ELAVL4: variants seen among roughly 807,000 people sequenced by gnomAD.
The protein encoded by ELAVL4 is ELAV like RNA binding protein 4.
A neutral mutation model predicts 35.6 loss-of-function variants in ELAVL4; 1 was observed. That is an observed-to-expected ratio of 0.03 (90% confidence interval 0.01 to 0.13). The LOEUF is 0.13. ELAVL4 is among the 10% of genes least tolerant of loss of function. The pLI is 1.00. For missense variants in ELAVL4, 267 were observed against 464.9 expected (o/e 0.57, Z 3.91); for synonymous variants, 156 against 171.0 (o/e 0.91, Z 0.69).
intron 3 of ELAVL4, 149 bp from the exon 4 acceptor site, chr1:50,193,616 G>T: frequency 1.1e-6 from 1 of 883,000 alleles, no homozygotes; most frequent in East Asian, 2.7e-5. Flanking sequence ...CTATTACAAG[G>T]GTAGCTAAAA....
intron 1 of ELAVL4, among the ~76,000 whole-genome samples, chr1:50,062,198 G>C (rs1664020169): frequency 6.6e-6 from 1 of 152,124 alleles, no homozygotes; most frequent in Admixed American, 6.5e-5. Flanking sequence ...TGATCTCAAG[G>C]AGTCCACAAT....
chr1:50,169,993 G>A (rs1678693523), intron 2 of ELAVL4, among the ~76,000 whole-genome samples: 1 of 152,222 alleles, frequency 6.6e-6, no homozygotes, highest in Admixed American at 6.5e-5. Context: ...TCTACCCATA[G>A]TGTCTAGCAT....
intron 2 of ELAVL4, among the ~76,000 whole-genome samples, chr1:50,153,918 A>T (rs2480684): frequency 6.6e-6 from 1 of 152,102 alleles, no homozygotes; most frequent in African/African-American, 2.4e-5. Context: ...GCAAGCCAGA[A>T]AAAGAGCCTT....
intron 3 of ELAVL4, among the ~76,000 whole-genome samples, chr1:50,182,353 AC>A (rs1681170920): frequency 6.6e-6 from 1 of 152,186 alleles, no homozygotes. Flanking sequence ...CACCCACTAA[AC>A]CTTTCAGAGT....
At chr1:50,168,613 A>T (rs1026000617) in intron 2 of ELAVL4, among the ~76,000 whole-genome samples, 24 of 152,220 alleles carry the variant, frequency 1.6e-4, no homozygotes, top group Non-Finnish European at 2.5e-4. Context: ...CAGCTTCATT[A>T]TGTTCCTTGG....
At chr1:50,064,149 A>G (rs1373556366) in intron 1 of ELAVL4, among the ~76,000 whole-genome samples, 3 of 152,184 alleles carry the variant, frequency 2.0e-5, no homozygotes, top group African/African-American at 4.8e-5. Flanking sequence ...GGTGTGTCAT[A>G]GAGTGCAAGG....
chr1:50,149,580 G>A (rs1167345446), intron 2 of ELAVL4, among the ~76,000 whole-genome samples: 1 of 121,156 alleles, frequency 8.3e-6, no homozygotes, highest in Non-Finnish European at 1.6e-5. Context: ...GTCTCACTCT[G>A]TTGCCCAGAC....
chr1:50,079,905 T>C (rs1382664174), intron 1 of ELAVL4, among the ~76,000 whole-genome samples: 1 of 152,196 alleles, frequency 6.6e-6, no homozygotes, highest in African/African-American at 2.4e-5. Context: ...TTTATTCTTC[T>C]CACTTCCCAA....
chr1:50,198,660 C>T (rs1346241075), intron 6 of ELAVL4, among the ~76,000 whole-genome samples: 1 of 152,200 alleles, frequency 6.6e-6, no homozygotes, highest in African/African-American at 2.4e-5. Flanking sequence ...CATTCCTTTG[C>T]TCCTCTCTGA....
At position 50,203,763 on chromosome 1, in the gene ELAVL4, G is replaced by A. The variant is rs1037727083; in HGVS notation, c.*2585G>A. 2.6e-5 allele frequency: 4 copies of A among 152,070 alleles called. No homozygotes were observed. The highest frequency in any genetic ancestry group is 7.2e-5 in the African/African-American group (3 of 41,394). The allele number at this position is 152,070 out of a possible 1,614,324, so 9.4% of individuals were successfully genotyped here. Reference sequence around the variant, plus strand: ...CTGTCCAGACAATAAATGAAAGTGTGTAGAATGGATTTGACTTCCCAAATT... The same window carrying A: ...CTGTCCAGACAATAAATGAAAGTGTATAGAATGGATTTGACTTCCCAAATT... On this transcript the variant is annotated 3_prime_UTR_variant, in exon 7 of 7. Coordinates refer to ENST00000371824, the MANE Select transcript of ELAVL4 (RefSeq NM_001144774.3).
At chr1:50,151,863 A>C (rs1674849309) in intron 2 of ELAVL4, among the ~76,000 whole-genome samples, 1 of 152,120 alleles carries the variant, frequency 6.6e-6, no homozygotes, top group Non-Finnish European at 1.5e-5. Context: ...TGAGTGGAAA[A>C]TTTTTAGGTA....
intron 1 of ELAVL4, among the ~76,000 whole-genome samples, chr1:50,056,367 C>T (rs962114995): frequency 3.9e-5 from 6 of 152,244 alleles, no homozygotes; most frequent in Admixed American, 6.5e-5. Context: ...ACGTTTAGGT[C>T]AACAACGAAG....
At chr1:50,111,008 G>C (rs1379622277) in intron 1 of ELAVL4, among the ~76,000 whole-genome samples, 1 of 151,760 alleles carries the variant, frequency 6.6e-6, no homozygotes, top group African/African-American at 2.4e-5. Context: ...TATCTTTGCT[G>C]TTCTTTGTGG....
intron 2 of ELAVL4, among the ~76,000 whole-genome samples, chr1:50,145,496 C>G (rs1233417899): frequency 6.6e-6 from 1 of 152,112 alleles, no homozygotes; most frequent in African/African-American, 2.4e-5. Flanking sequence ...GTTTCCAGTC[C>G]CACAACTCTG....
At chr1:50,065,248 T>A (rs1664203601) in intron 1 of ELAVL4, among the ~76,000 whole-genome samples, 1 of 152,158 alleles carries the variant, frequency 6.6e-6, no homozygotes, top group Non-Finnish European at 1.5e-5. Context: ...TGCTGTTATT[T>A]ATAGAAATGG....
chr1:50,097,923 A>G (rs1300656888), intron 1 of ELAVL4, among the ~76,000 whole-genome samples: 2 of 152,214 alleles, frequency 1.3e-5, no homozygotes, highest in East Asian at 1.9e-4. Flanking sequence ...CCCATGTGCT[A>G]ACAAATAATA....
chr1:50,052,445 A>G (rs1226531120), intron 1 of ELAVL4, among the ~76,000 whole-genome samples: 1 of 152,204 alleles, frequency 6.6e-6, no homozygotes, highest in Non-Finnish European at 1.5e-5. Flanking sequence ...TCATTGATCA[A>G]AAAAGACAGC....
chr1:50,119,036 A>AAAAGGAAGAAAG (rs1553170300), intron 1 of ELAVL4, among the ~76,000 whole-genome samples: 14 of 127,174 alleles, frequency 1.1e-4, no homozygotes, highest in African/African-American at 4.3e-4. Flanking sequence ...GAAAGAAAGA[A>AAAAGGAAGAAAG]AAAGAAAGAA....
intron 1 of ELAVL4, among the ~76,000 whole-genome samples, chr1:50,135,182 T>A (rs375148954): frequency 5.9e-5 from 9 of 152,212 alleles, no homozygotes; most frequent in African/African-American, 1.7e-4. Flanking sequence ...AGAGCAGAAG[T>A]TGCTGTTTGA....
Sources: gnomAD v4.1 joint callset for allele counts (sites outside exome capture counted in the v4.1 genomes callset) on GRCh38, gnomAD v4.1.1 for gene constraint, MANE v1.5 for transcripts, NCBI Gene and HGNC (gene_info 2026-07-23, HGNC 2026-07-21) for gene names.